GHR: variants seen among roughly 807,000 people sequenced by gnomAD.
GHR encodes the protein growth hormone receptor, also known as GH receptor.
In GHR, 35 loss-of-function variants were observed where a neutral mutation model predicts 67.1. The observed-to-expected ratio is 0.52, with a 90% CI of 0.40 to 0.69. GHR has a LOEUF of 0.69. Ranked by LOEUF, GHR falls within the 30% of genes least tolerant of loss-of-function variation. The pLI, the probability that GHR is intolerant of heterozygous loss-of-function variation, is 0.00. For synonymous variants in GHR, 272 were observed against 269.1 expected (o/e 1.01, Z -0.10); for missense variants, 792 against 764.6 (o/e 1.04, Z -0.42).
intron 1 of GHR, among the ~76,000 whole-genome samples, chr5:42,426,357 G>A (rs181844533): frequency 1.5e-4 from 23 of 152,276 alleles, no homozygotes; most frequent in Admixed American, 1.5e-3. Flanking sequence ...AAATGTGAGT[G>A]ACGTAGTGAG....
intron 1 of GHR, among the ~76,000 whole-genome samples, chr5:42,486,087 A>G (rs1398469404): frequency 6.6e-6 from 1 of 152,212 alleles, no homozygotes; most frequent in Non-Finnish European, 1.5e-5. Flanking sequence ...GGTGGGGCTC[A>G]TGAATGCTCC....
chr5:42,526,002 A>G (rs1747691259), intron 1 of GHR, among the ~76,000 whole-genome samples: 1 of 152,204 alleles, frequency 6.6e-6, no homozygotes, highest in South Asian at 2.1e-4. Flanking sequence ...ACAGTGTCCA[A>G]GGGAAAGGAA....
intron 1 of GHR, among the ~76,000 whole-genome samples, chr5:42,438,727 T>C (rs947553138): frequency 6.6e-6 from 1 of 152,084 alleles, no homozygotes; most frequent in Non-Finnish European, 1.5e-5. Flanking sequence ...TAATGGAATC[T>C]TGACCCCCTA....
At chr5:42,709,668 T>A (rs1758354640) in intron 6 of GHR, among the ~76,000 whole-genome samples, 1 of 152,112 alleles carries the variant, frequency 6.6e-6, no homozygotes, top group South Asian at 2.1e-4. Flanking sequence ...CATAGAAAGG[T>A]GTGTATCACT....
intron 2 of GHR, among the ~76,000 whole-genome samples, chr5:42,622,875 C>G (rs1417315316): frequency 1.3e-5 from 2 of 152,108 alleles, no homozygotes; most frequent in Non-Finnish European, 2.9e-5. Context: ...ACTCATTTGC[C>G]AAACACCCTT....
intron 1 of GHR, among the ~76,000 whole-genome samples, chr5:42,470,794 T>A (rs1024159330): frequency 6.6e-6 from 1 of 152,206 alleles, no homozygotes; most frequent in African/African-American, 2.4e-5. Flanking sequence ...GAAGGACTAA[T>A]GAATTTAGTT....
chr5:42,688,904 C>A lies in GHR; in HGVS notation c.151C>A (p.Pro51Thr), dbSNP rs1361822427. The change falls in exon 4 of 10, where the codon CCT becomes ACT. Residue 51 changes from proline (P) to threonine (T), a missense_variant. Pro to Thr is a conservative substitution (Grantham distance 38, BLOSUM62 -1). Coordinates refer to ENST00000230882, the MANE Select transcript of GHR (RefSeq NM_000163.5). ...PGLKTNSSKE[P>T]KFTKCRSPER... ...TTATTCTGCAGATTCTTCTAAGGAG[C>A]CTAAATTCACCAAGTGCCGTTCACC... 6 of 1,613,742 alleles carry A rather than the reference C, an allele frequency of 3.7e-6. No homozygotes were observed. The Admixed American group carries it at 8.3e-5, about 22-fold the overall frequency.
rs1348836467 is a variant in GHR, at chr5:42,654,902, G to T, written c.136+25799G>T. On this transcript the variant is annotated intron_variant, in intron 3 of 9. Transcript: ENST00000230882. ...CTATTGATTGCAGCCACTTGGCAAG[G>T]CTCTATAAGAAAAAGCGAGCCAACA... Among the ~76,000 whole-genome samples, 3 of 152,184 alleles carry T rather than the reference G, an allele frequency of 2.0e-5. No homozygotes were observed. The East Asian group carries it at 5.8e-4, about 29-fold the overall frequency.
intron 1 of GHR, among the ~76,000 whole-genome samples, chr5:42,457,095 G>A (rs1050896371): frequency 3.9e-5 from 6 of 152,042 alleles, no homozygotes; most frequent in African/African-American, 1.2e-4. Context: ...GATTTACTGT[G>A]GGAAGTCTCC....
intron 3 of GHR, among the ~76,000 whole-genome samples, chr5:42,674,447 A>C (rs1178577231): frequency 6.6e-6 from 1 of 152,020 alleles, no homozygotes; most frequent in East Asian, 1.9e-4. Flanking sequence ...CTACTATCTA[A>C]CTCTAGAACA....
chr5:42,553,908 A>G lies in GHR; in HGVS notation c.-11-11956A>G, dbSNP rs190632911. On this transcript the variant is annotated intron_variant, in intron 1 of 9. Coordinates refer to ENST00000230882, the MANE Select transcript of GHR (RefSeq NM_000163.5). Reference sequence around the variant, plus strand: ...TATTAAAATTACTTGACATAGATCCATAAATCATCATCTGTTGCAAAAAAG... The same window carrying G: ...TATTAAAATTACTTGACATAGATCCGTAAATCATCATCTGTTGCAAAAAAG... Among the ~76,000 whole-genome samples the G allele has an allele frequency of 5.6e-4, 85 of 152,322 alleles. 1 individual carries two copies. Among genetic ancestry groups the G allele is most frequent in the Admixed American group, 5.2e-3 (80 of 15,304 alleles).
intron 2 of GHR, among the ~76,000 whole-genome samples, chr5:42,592,906 A>AT (rs1324133284): frequency 2.0e-5 from 3 of 152,168 alleles, no homozygotes; most frequent in South Asian, 4.1e-4. Flanking sequence ...AGCATCTGTT[A>AT]TTTTTTTGAG....
chr5:42,636,082 C>T (rs918704599), intron 3 of GHR, among the ~76,000 whole-genome samples: 4 of 151,410 alleles, frequency 2.6e-5, no homozygotes, highest in African/African-American at 4.9e-5. Context: ...TGGTGGCGGG[C>T]GCCTGTAGTC....
chr5:42,615,586 A>T (rs542912403), intron 2 of GHR, among the ~76,000 whole-genome samples: 2 of 150,920 alleles, frequency 1.3e-5, no homozygotes, highest in South Asian at 4.1e-4. Context: ...TTTAAAGGAG[A>T]TATTTTCAAA....
At chr5:42,470,041 T>C (rs1744928581) in intron 1 of GHR, among the ~76,000 whole-genome samples, 1 of 137,412 alleles carries the variant, frequency 7.3e-6, no homozygotes, top group Non-Finnish European at 1.6e-5. Context: ...ATATATATAC[T>C]ACTAATATAA....
chr5:42,638,325 T>G (rs1754304449), intron 3 of GHR, among the ~76,000 whole-genome samples: 7 of 152,184 alleles, frequency 4.6e-5, no homozygotes, highest in Admixed American at 4.6e-4. Flanking sequence ...GACAATACAG[T>G]GTTCACTTTA....
rs4273617 is a variant in GHR, at chr5:42,695,369, G to A, written c.439+280G>A. Among the ~76,000 whole-genome samples the A allele has an allele frequency of 0.66, 99,894 of 152,050 alleles. 33,965 individuals carry two copies. The highest frequency in any genetic ancestry group is 0.84 in the East Asian group (4,326 of 5,156). ...TCCTTTAGGATATCTTTGAAGCTGCGTTGTGTTTTTATGTTCCACTGCAAA... is the reference window on the plus strand; with the variant it reads ...TCCTTTAGGATATCTTTGAAGCTGCATTGTGTTTTTATGTTCCACTGCAAA... On this transcript the variant is annotated intron_variant, in intron 5 of 9. Coordinates refer to ENST00000230882, the MANE Select transcript of GHR (RefSeq NM_000163.5).
intron 1 of GHR, among the ~76,000 whole-genome samples, chr5:42,429,515 T>G (rs994573181): frequency 6.6e-6 from 1 of 152,248 alleles, no homozygotes; most frequent in African/African-American, 2.4e-5. Flanking sequence ...TGAAATTCTT[T>G]AGCCATTTCA....
At chr5:42,675,848 T>C (rs1371850208) in intron 3 of GHR, among the ~76,000 whole-genome samples, 1 of 152,214 alleles carries the variant, frequency 6.6e-6, no homozygotes, top group Non-Finnish European at 1.5e-5. Flanking sequence ...TCCCAGACAC[T>C]ACAGAGCTCA....
Sources: gnomAD v4.1 joint callset for allele counts (sites outside exome capture counted in the v4.1 genomes callset) on GRCh38, gnomAD v4.1.1 for gene constraint, MANE v1.5 for transcripts, NCBI Gene and HGNC (gene_info 2026-07-23, HGNC 2026-07-21) for gene names.